The following DAAM2 variants were observed in gnomAD, a reference collection of about 807,000 sequenced individuals.
DAAM2 encodes the protein dishevelled associated activator of morphogenesis 2.
DAAM2 carries 39 observed loss-of-function variants against 120.7 expected under a neutral mutation model. That is an observed-to-expected ratio of 0.32 (90% CI 0.25 to 0.42). The LOEUF (loss-of-function observed/expected upper bound fraction) is 0.42. Among genes scored for constraint, DAAM2 ranks in the 10% least tolerant of loss-of-function variants. The pLI, the probability that DAAM2 is intolerant of heterozygous loss-of-function variation, is 1.00. For missense variants in DAAM2, 1,283 were observed against 1,401.7 expected (o/e 0.92, Z 1.35); for synonymous variants, 488 against 524.9 (o/e 0.93, Z 0.96).
intron 1 of DAAM2, among the ~76,000 whole-genome samples, chr6:39,796,842 T>C (rs990881200): frequency 9.9e-5 from 15 of 151,696 alleles, no homozygotes; most frequent in Non-Finnish European, 1.5e-4. Flanking sequence ...ATGAGAACAA[T>C]AACTATTCTC....
At chr6:39,824,675 T>A (rs1429497413) in intron 1 of DAAM2, among the ~76,000 whole-genome samples, 2 of 152,146 alleles carry the variant, frequency 1.3e-5, no homozygotes, top group Admixed American at 6.5e-5. Context: ...GGCCAGCTCC[T>A]GCAGGCAGGA....
rs1562047251 is a variant in DAAM2, at chr6:39,878,368, C to T, written c.1361-36C>T. On this transcript the variant is annotated intron_variant, in intron 12 of 24. Transcript: ENST00000274867. The surrounding 1 kb of genome is among the most constrained non-coding windows in gnomAD (Gnocchi z 5.0). Reference sequence around the variant, plus strand: ...GGGAGTCACATTACTCACATTCTCTCCTTCTGTTTCCTCTCCCGTCCCACC... The same window carrying T: ...GGGAGTCACATTACTCACATTCTCTTCTTCTGTTTCCTCTCCCGTCCCACC... The T allele has an allele frequency of 8.7e-6, 14 of 1,609,156 alleles. No individual in the cohort carries two copies. The highest frequency in any genetic ancestry group is 1.2e-5 in the Non-Finnish European group (14 of 1,177,094).
Position 39,873,358 on chromosome 6 carries a change from A to G in DAAM2, c.1162+3A>G. On this transcript the variant is annotated splice_donor_region_variant and intron_variant, in intron 10 of 24. Transcript: ENST00000274867. Reference sequence around the variant, plus strand: ...GCACCACTGCCTGCAGATGCCCTGTAAGTACCCTGCACTTGCTGCTTCCCT... The same window carrying G: ...GCACCACTGCCTGCAGATGCCCTGTGAGTACCCTGCACTTGCTGCTTCCCT... 6.3e-7 allele frequency: 1 copy of G among 1,597,766 alleles called. No homozygotes were observed. Among genetic ancestry groups the G allele is most frequent in the Non-Finnish European group, 8.6e-7 (1 of 1,166,410 alleles).
At position 39,793,820 on chromosome 6, in the gene DAAM2, G is replaced by A. The variant is rs116545975; in HGVS notation, c.-57+1355G>A. On this transcript the variant is annotated intron_variant, in intron 1 of 24. Transcript: ENST00000274867. Reference sequence around the variant, plus strand: ...CTGTCAATAGCTGGGTTCCACAAACGAGTGACCACAGACAGACTGAATTTT... The same window carrying A: ...CTGTCAATAGCTGGGTTCCACAAACAAGTGACCACAGACAGACTGAATTTT... 5.8e-3 allele frequency among the ~76,000 whole-genome samples: 878 copies of A among 152,284 alleles called. 6 individuals carry two copies. The highest frequency in any genetic ancestry group is 0.02 in the African/African-American group (835 of 41,548).
chr6:39,820,875 G>A (rs143450895), intron 1 of DAAM2: 2 of 152,354 alleles, frequency 1.3e-5, no homozygotes, highest in African/African-American at 4.8e-5. Flanking sequence ...TTAGGAAAGT[G>A]CTGTGTACAT....
At chr6:39,866,137 C>A (rs1463180540) in intron 5 of DAAM2, among the ~76,000 whole-genome samples, 1 of 152,180 alleles carries the variant, frequency 6.6e-6, no homozygotes, top group Non-Finnish European at 1.5e-5. Context: ...AGAATGGGAG[C>A]ATCCCAATTG....
intron 1 of DAAM2, among the ~76,000 whole-genome samples, chr6:39,836,305 C>A (rs1763101018): frequency 6.6e-6 from 1 of 152,156 alleles, no homozygotes; most frequent in South Asian, 2.1e-4. Flanking sequence ...AACCTCCCCC[C>A]AGCCTTCCAG....
intron 4 of DAAM2, 60 bp downstream of exon 4, chr6:39,864,567 T>G (rs1764346912): frequency 1.4e-6 from 2 of 1,403,830 alleles, no homozygotes; most frequent in African/African-American, 1.4e-5. Flanking sequence ...CAGGGAGTGA[T>G]TCCCCCAGCC....
intron 15 of DAAM2, 69 bp from the exon 16 acceptor site, chr6:39,887,417 T>C: frequency 1.8e-6 from 2 of 1,124,818 alleles, no homozygotes; most frequent in South Asian, 2.7e-5. Context: ...GAGGTGGCTC[T>C]TGCGGGGCGG....
chr6:39,841,577 A>C (rs1763342795), intron 1 of DAAM2, among the ~76,000 whole-genome samples: 1 of 152,022 alleles, frequency 6.6e-6, no homozygotes, highest in South Asian at 2.1e-4. Context: ...GAGAACTGAG[A>C]AAAGGCTTCT....
intron 1 of DAAM2, among the ~76,000 whole-genome samples, chr6:39,848,127 T>G (rs1763667625): frequency 6.6e-6 from 1 of 151,888 alleles, no homozygotes; most frequent in Non-Finnish European, 1.5e-5. Context: ...CGCCCTCTCT[T>G]CTTCTGAGGC....
chr6:39,845,049 A>G (rs935934884), intron 1 of DAAM2, among the ~76,000 whole-genome samples: 1 of 139,034 alleles, frequency 7.2e-6, no homozygotes, highest in Non-Finnish European at 1.6e-5. Flanking sequence ...ACATGCACAT[A>G]TACATCAACT....
chr6:39,792,415 G>A lies in DAAM2; in HGVS notation c.-107G>A, dbSNP rs1761573495. ...CGCAGCAGCGAGCGGAGCGCGGGCGGCGGCGCCGTACCTCGGGCTGCGGGA... is the reference window on the plus strand; with the variant it reads ...CGCAGCAGCGAGCGGAGCGCGGGCGACGGCGCCGTACCTCGGGCTGCGGGA... On this transcript the variant is annotated 5_prime_UTR_variant, in exon 1 of 25. Coordinates refer to ENST00000274867, the MANE Select transcript of DAAM2 (RefSeq NM_001201427.2). The A allele has an allele frequency of 6.6e-6, 1 of 152,206 alleles. No homozygotes were observed. The highest frequency in any genetic ancestry group is 6.5e-5 in the Admixed American group (1 of 15,268). The allele number at this position is 152,206 out of a possible 1,614,324, so 9.4% of individuals were successfully genotyped here. A position where few individuals can be genotyped will look rare whatever the true frequency, so the allele number is the denominator to read the frequency against.
chr6:39,894,995 T>A (rs1765985859), intron 19 of DAAM2, among the ~76,000 whole-genome samples: 1 of 152,208 alleles, frequency 6.6e-6, no homozygotes, highest in Non-Finnish European at 1.5e-5. Flanking sequence ...ACATTATGGT[T>A]GTGGGTTGTC....
chr6:39,869,533 G>A (rs1764567679), intron 7 of DAAM2, among the ~76,000 whole-genome samples: 1 of 152,164 alleles, frequency 6.6e-6, no homozygotes, highest in African/African-American at 2.4e-5. Context: ...GTTGCAGTGA[G>A]CCAAGATTGC....
At chr6:39,842,111 T>C (rs1763363280) in intron 1 of DAAM2, among the ~76,000 whole-genome samples, 1 of 152,158 alleles carries the variant, frequency 6.6e-6, no homozygotes, top group Admixed American at 6.5e-5. Context: ...AAGGCCTGGA[T>C]GCCTTCATGG....
At chr6:39,879,613 T>G (rs1482244982) in intron 14 of DAAM2, 136 bp downstream of exon 14, 1 of 1,196,282 alleles carries the variant, frequency 8.4e-7, no homozygotes, top group East Asian at 2.3e-5. Flanking sequence ...GTCATGTGGA[T>G]GTACAAAGTG....
Position 39,825,788 on chromosome 6 carries a change from A to G in DAAM2, c.-56-30459A>G, listed in dbSNP as rs750596208. Reference sequence around the variant, plus strand: ...CCCTGCAGGCAGGGTGGGCTCATGTATCTCCTTGGATGTGGGATTCTCTTG... The same window carrying G: ...CCCTGCAGGCAGGGTGGGCTCATGTGTCTCCTTGGATGTGGGATTCTCTTG... On this transcript the variant is annotated intron_variant, in intron 1 of 24. Transcript: ENST00000274867. 6.6e-5 allele frequency among the ~76,000 whole-genome samples: 10 copies of G among 152,110 alleles called. 1 individual carries two copies. In the East Asian group the frequency reaches 7.7e-4, roughly 12 times the overall value.
In DAAM2 at chr6:39,878,489, G is replaced by A. The variant is rs1417734382; in HGVS notation, c.1446G>A (p.Thr482=). The change falls in exon 13 of 25, where the codon ACG becomes ACA. Residue 482 remains threonine, a synonymous_variant. Transcript: ENST00000274867. The surrounding 1 kb of genome is among the most constrained non-coding windows in gnomAD (Gnocchi z 5.0). Reference sequence around the variant, plus strand: ...TGGAGAAGGAAGAGATGATGCGGACGCTGAACAAAATGAAGGACAAGCTGG... The same window carrying A: ...TGGAGAAGGAAGAGATGATGCGGACACTGAACAAAATGAAGGACAAGCTGG... The part of the protein sequence containing the change: ...KTLEKEEMMR[T]LNKMKDKLAR... 3.1e-6 allele frequency: 5 copies of A among 1,610,728 alleles called. No individual in the cohort carries two copies. The highest frequency in any genetic ancestry group is 3.4e-6 in the Non-Finnish European group (4 of 1,178,456).
Sources: gnomAD v4.1 joint callset for allele counts (sites outside exome capture counted in the v4.1 genomes callset) on GRCh38, gnomAD v4.1.1 for gene constraint, Gnocchi (gnomAD v3.1) non-coding constraint, MANE v1.5 for transcripts, NCBI Gene and HGNC (gene_info 2026-07-23, HGNC 2026-07-21) for gene names.